CADPS: variants seen among roughly 807,000 people sequenced by gnomAD.
The protein encoded by CADPS is calcium dependent secretion activator, also known as calcium-dependent secretion activator 1.
CADPS carries 57 observed loss-of-function variants against 167.3 expected under a neutral mutation model. The observed-to-expected ratio is 0.34, with a 90% confidence interval of 0.28 to 0.42. CADPS has a LOEUF of 0.42. Among genes scored for constraint, CADPS ranks in the 20% least tolerant of loss-of-function variants. The pLI is 1.00. For missense variants in CADPS, 1,414 were observed against 1,738.1 expected, an observed-to-expected ratio of 0.81 and a Z score of 3.32; for synonymous variants, 676 against 635.3, an observed-to-expected ratio of 1.06 and a Z score of -0.96.
intron 8 of CADPS, 28 bp from the exon 9 acceptor site, chr3:62,570,966 G>A (rs753872365): frequency 1.3e-5 from 18 of 1,377,538 alleles, no homozygotes; most frequent in Non-Finnish European, 1.7e-5. Context: ...GACCAGAGCT[G>A]CATTAATGCT....
At chr3:62,851,149 A>T (rs1435826614) in intron 1 of CADPS, among the ~76,000 whole-genome samples, 5 of 131,410 alleles carry the variant, frequency 3.8e-5, no homozygotes, top group African/African-American at 1.4e-4. Context: ...CCATCCTTTT[A>T]TTTTGAGCCT....
intron 6 of CADPS, among the ~76,000 whole-genome samples, chr3:62,643,147 C>T (rs1003927238): frequency 2.0e-5 from 3 of 152,102 alleles, no homozygotes; most frequent in East Asian, 1.9e-4. Flanking sequence ...GGAAGACACA[C>T]GAGTGTTGTA....
intron 11 of CADPS, 85 bp from the exon 12 acceptor site, chr3:62,536,666 C>G (rs1297569870): frequency 1.5e-6 from 2 of 1,368,214 alleles, no homozygotes; most frequent in Admixed American, 3.5e-5. Flanking sequence ...CAGGAATTCA[C>G]TAGACATTAT....
intron 3 of CADPS, among the ~76,000 whole-genome samples, chr3:62,695,399 T>C (rs1040156014): frequency 1.3e-5 from 2 of 152,046 alleles, no homozygotes; most frequent in African/African-American, 2.4e-5. Flanking sequence ...TGCAAAGCTG[T>C]CTGTTGTAGG....
intron 13 of CADPS, among the ~76,000 whole-genome samples, chr3:62,526,677 C>A (rs558503274): frequency 1.3e-5 from 2 of 152,248 alleles, no homozygotes; most frequent in African/African-American, 4.8e-5. Context: ...TTTATGATCG[C>A]CAAATGCAAC....
Position 62,468,641 on chromosome 3 carries a change from A to T in CADPS, c.3478-2228T>A, listed in dbSNP as rs572094360. Among the ~76,000 whole-genome samples the T allele has an allele frequency of 6.6e-5, 10 of 152,126 alleles. No individual in the cohort carries two copies. In the East Asian group the frequency reaches 1.9e-3, roughly 29 times the overall value. On this transcript the variant is annotated intron_variant, in intron 24 of 29. Coordinates refer to ENST00000383710, the MANE Select transcript of CADPS (RefSeq NM_003716.4). Reference sequence around the variant, plus strand: ...TATGGAAATATGATGATTTATGGGAACCTCTTCCCATTTCAATTTTTCCAT... The same window carrying T: ...TATGGAAATATGATGATTTATGGGATCCTCTTCCCATTTCAATTTTTCCAT...
At chr3:62,788,417 G>A (rs966588491) in intron 1 of CADPS, among the ~76,000 whole-genome samples, 3 of 152,026 alleles carry the variant, frequency 2.0e-5, no homozygotes, top group African/African-American at 7.2e-5. Context: ...CCACGAAGTC[G>A]GTGACCCATG....
At chr3:62,666,492 C>T (rs1055172132) in intron 3 of CADPS, among the ~76,000 whole-genome samples, 2 of 152,260 alleles carry the variant, frequency 1.3e-5, no homozygotes, top group African/African-American at 4.8e-5. Context: ...GAAAGATCAG[C>T]TGGAGAACCA....
At chr3:62,454,361 C>T (rs1436143884) in intron 26 of CADPS, among the ~76,000 whole-genome samples, 2 of 152,158 alleles carry the variant, frequency 1.3e-5, no homozygotes, top group East Asian at 1.9e-4. Context: ...ATCTTATTCA[C>T]GTCTTCTAAG....
chr3:62,868,048 T>TA (rs1210348262), intron 1 of CADPS, among the ~76,000 whole-genome samples: 9 of 152,238 alleles, frequency 5.9e-5, no homozygotes, highest in African/African-American at 2.2e-4. Context: ...CTCAATGCAT[T>TA]GGCTGAATTC....
chr3:62,816,223 C>T (rs545486094), intron 1 of CADPS, among the ~76,000 whole-genome samples: 1 of 152,166 alleles, frequency 6.6e-6, no homozygotes, highest in African/African-American at 2.4e-5. Context: ...AAATCCTTTC[C>T]CATTTTAACT....
At chr3:62,660,638 T>C (rs1315074351) in intron 4 of CADPS, among the ~76,000 whole-genome samples, 1 of 152,176 alleles carries the variant, frequency 6.6e-6, no homozygotes, top group Non-Finnish European at 1.5e-5. Context: ...GAGACACCTC[T>C]TTCCATAAAG....
intron 21 of CADPS, among the ~76,000 whole-genome samples, chr3:62,486,184 C>T (rs551911217): frequency 1.4e-4 from 21 of 152,294 alleles, no homozygotes; most frequent in Admixed American, 3.3e-4. Context: ...CAGTGGCTCA[C>T]GCCTGTGATC....
intron 3 of CADPS, among the ~76,000 whole-genome samples, chr3:62,691,871 T>C (rs1479007349): frequency 6.6e-6 from 1 of 151,968 alleles, no homozygotes; most frequent in Non-Finnish European, 1.5e-5. Context: ...CAAATTACCA[T>C]GGCACACATT....
At chr3:62,701,339 G>A (rs578039668) in intron 3 of CADPS, among the ~76,000 whole-genome samples, 1 of 152,134 alleles carries the variant, frequency 6.6e-6, no homozygotes, top group South Asian at 2.1e-4. Context: ...CCCAATACAT[G>A]GGCTGAAAGC....
chr3:62,747,404 G>A (rs1240929702), intron 3 of CADPS, among the ~76,000 whole-genome samples: 1 of 152,160 alleles, frequency 6.6e-6, no homozygotes, highest in African/African-American at 2.4e-5. Context: ...TGGAGATTAA[G>A]GGCTCTGTAA....
intron 2 of CADPS, among the ~76,000 whole-genome samples, chr3:62,761,833 G>T (rs1327299869): frequency 1.3e-5 from 2 of 152,102 alleles, no homozygotes; most frequent in Non-Finnish European, 2.9e-5. Context: ...AGAATTGCTG[G>T]GCCAGATCTC....
intron 6 of CADPS, among the ~76,000 whole-genome samples, chr3:62,612,380 A>C (rs2061622490): frequency 6.6e-6 from 1 of 152,230 alleles, no homozygotes; most frequent in African/African-American, 2.4e-5. Flanking sequence ...GGTGCTACAC[A>C]TAGGGATTTT....
At chr3:62,662,681 G>C (rs1489183832) in intron 3 of CADPS, among the ~76,000 whole-genome samples, 1 of 152,142 alleles carries the variant, frequency 6.6e-6, no homozygotes, top group Non-Finnish European at 1.5e-5. Context: ...GAGGACCAAT[G>C]CACACTTCTT....
Sources: gnomAD v4.1 joint callset for allele counts (sites outside exome capture counted in the v4.1 genomes callset) on GRCh38, gnomAD v4.1.1 for gene constraint, MANE v1.5 for transcripts, NCBI Gene and HGNC (gene_info 2026-07-23, HGNC 2026-07-21) for gene names.